MCU: variants seen among roughly 807,000 people sequenced by gnomAD.
MCU encodes the protein calcium uniporter protein, mitochondrial.
A neutral mutation model predicts 45.2 loss-of-function variants in MCU; 12 were observed. The ratio of observed to expected loss-of-function variants is 0.27; its 90% CI spans 0.17 to 0.43. The LOEUF (loss-of-function observed/expected upper bound fraction) is 0.43, where lower values mean the gene tolerates loss of function less well. Among genes scored for constraint, MCU ranks in the 20% least tolerant of loss-of-function variants. The pLI is 1.00. For synonymous variants in MCU, 160 were observed against 165.1 expected (o/e 0.97, Z 0.24); for missense variants, 324 against 436.7 (o/e 0.74, Z 2.30).
At chr10:72,793,697 G>A (rs1844201882) in intron 1 of MCU, among the ~76,000 whole-genome samples, 1 of 152,106 alleles carries the variant, frequency 6.6e-6, no homozygotes, top group South Asian at 2.1e-4. Context: ...GGTTGGGGCT[G>A]TAGGCTCGAA....
At chr10:72,773,770 CT>C (rs1238434588) in intron 1 of MCU, among the ~76,000 whole-genome samples, 1 of 152,110 alleles carries the variant, frequency 6.6e-6, no homozygotes, top group African/African-American at 2.4e-5. Flanking sequence ...TCCAATTGGT[CT>C]GGCAACAGAC....
At position 72,795,883 on chromosome 10, in the gene MCU, G is replaced by T. The variant is rs530583508; in HGVS notation, c.151-38476G>T. Among the ~76,000 whole-genome samples, 63 of 151,684 alleles carry T rather than the reference G, an allele frequency of 4.2e-4. 1 individual carries two copies. Among genetic ancestry groups the T allele is most frequent in the African/African-American group, 1.5e-3 (60 of 41,364 alleles). ...TGTGGTGGCGGGCGCCTGTAATCCC[G>T]GGTACTCTGGAGGCTGAGGCAGGAG... On this transcript the variant is annotated intron_variant, in intron 1 of 7. Coordinates refer to ENST00000373053, the MANE Select transcript of MCU (RefSeq NM_138357.3).
intron 1 of MCU, among the ~76,000 whole-genome samples, chr10:72,831,497 TTTTTGTTTTG>T (rs531976791): frequency 6.6e-6 from 1 of 152,146 alleles, no homozygotes; most frequent in Non-Finnish European, 1.5e-5. Context: ...ATAGGGTTGG[TTTTTGTTTTG>T]TTTTGTTTTG....
Position 72,722,188 on chromosome 10 carries a change from G to A in MCU, c.150+29887G>A, listed in dbSNP as rs61864405. ...TTATTATAATTAGAAAAAGCTGTGG[G>A]CACTTAAATCCCAGCTACTTGGGAG... is the stretch of plus-strand genomic sequence containing the variant. On this transcript the variant is annotated intron_variant, in intron 1 of 7. Transcript: ENST00000373053. 6.9e-3 allele frequency among the ~76,000 whole-genome samples: 1,046 copies of A among 151,812 alleles called. 10 individuals carry two copies. Among genetic ancestry groups the A allele is most frequent in the Non-Finnish European group, 0.011 (768 of 67,916 alleles).
chr10:72,847,057 C>T (rs1411228882), intron 2 of MCU, among the ~76,000 whole-genome samples: 1 of 152,162 alleles, frequency 6.6e-6, no homozygotes, highest in Non-Finnish European at 1.5e-5. Context: ...CTGCAACCTC[C>T]GCCTCCCGGG....
At chr10:72,741,824 C>T (rs1393428875) in intron 1 of MCU, among the ~76,000 whole-genome samples, 2 of 151,998 alleles carry the variant, frequency 1.3e-5, no homozygotes, top group Admixed American at 6.6e-5. Flanking sequence ...ATCAGGAGAT[C>T]GAGACCATCC....
chr10:72,803,983 T>C (rs571807969), intron 1 of MCU, among the ~76,000 whole-genome samples: 2 of 134,982 alleles, frequency 1.5e-5, no homozygotes, highest in South Asian at 2.4e-4. Context: ...TCTTAATCTG[T>C]AGGATCCTTC....
chr10:72,874,596 C>G (rs1445718849), intron 6 of MCU, among the ~76,000 whole-genome samples: 1 of 152,164 alleles, frequency 6.6e-6, no homozygotes, highest in Non-Finnish European at 1.5e-5. Flanking sequence ...CCAAATGTGT[C>G]TAATAGAGAA....
intron 2 of MCU, among the ~76,000 whole-genome samples, chr10:72,838,899 C>T (rs1018610841): frequency 6.6e-6 from 1 of 152,042 alleles, no homozygotes; most frequent in Non-Finnish European, 1.5e-5. Context: ...TGTTTGTTTT[C>T]TGTCCTGCTA....
intron 1 of MCU, among the ~76,000 whole-genome samples, chr10:72,711,386 A>C (rs1842892536): frequency 6.6e-6 from 1 of 151,516 alleles, no homozygotes; most frequent in Non-Finnish European, 1.5e-5. Context: ...ACACCCAACT[A>C]ATTTTTGTAT....
intron 1 of MCU, among the ~76,000 whole-genome samples, chr10:72,693,982 CTA>C (rs1184127761): frequency 7.9e-5 from 12 of 152,312 alleles, no homozygotes; most frequent in African/African-American, 2.6e-4. Flanking sequence ...ATATTTTCCA[CTA>C]TGCAAATTTG....
At chr10:72,694,261 C>T (rs1440860726) in intron 1 of MCU, among the ~76,000 whole-genome samples, 1 of 152,134 alleles carries the variant, frequency 6.6e-6, no homozygotes, top group African/African-American at 2.4e-5. Context: ...ATGTATACAG[C>T]TGTTTCCATA....
rs576510059 is a variant in MCU at position 72,758,616 on chromosome 10, C to T, written c.150+66315C>T. On this transcript the variant is annotated intron_variant, in intron 1 of 7. Coordinates refer to ENST00000373053, the MANE Select transcript of MCU (RefSeq NM_138357.3). ...GTTACTAGAATTAATTTACTTCAGG[C>T]TGCTTGTGGGTGGATTAGATTAATT... 8.5e-5 allele frequency among the ~76,000 whole-genome samples: 13 copies of T among 152,202 alleles called. No individual in the cohort carries two copies. The South Asian group carries it at 2.5e-3, about 29-fold the overall frequency.
At chr10:72,785,169 T>C (rs548594836) in intron 1 of MCU, among the ~76,000 whole-genome samples, 2 of 152,348 alleles carry the variant, frequency 1.3e-5, no homozygotes, top group South Asian at 2.1e-4. Flanking sequence ...CAAGTGGTAG[T>C]GGTGGCTGCT....
intron 6 of MCU, among the ~76,000 whole-genome samples, chr10:72,882,580 T>C (rs987034442): frequency 6.6e-6 from 1 of 152,202 alleles, no homozygotes; most frequent in African/African-American, 2.4e-5. Context: ...CCAGGCTTAT[T>C]AGGAAGAGGA....
At chr10:72,835,991 C>T (rs1163010660) in intron 2 of MCU, among the ~76,000 whole-genome samples, 1 of 152,142 alleles carries the variant, frequency 6.6e-6, no homozygotes, top group Non-Finnish European at 1.5e-5. Flanking sequence ...GTGGGTATCT[C>T]TCTTCCTCTT....
intron 1 of MCU, among the ~76,000 whole-genome samples, chr10:72,710,211 C>G (rs932323625): frequency 6.6e-6 from 1 of 152,074 alleles, no homozygotes; most frequent in Non-Finnish European, 1.5e-5. Flanking sequence ...CTCCTGACCT[C>G]GTGATCTGCC....
In MCU at chr10:72,737,997, G is replaced by C. The variant is rs71479458; in HGVS notation, c.150+45696G>C. 6.3e-3 allele frequency among the ~76,000 whole-genome samples: 954 copies of C among 152,246 alleles called. 16 individuals carry two copies. Among genetic ancestry groups the C allele is most frequent in the Non-Finnish European group, 7.3e-3 (499 of 68,016 alleles). ...GTTGCGGTTATCTTCAGGTACAATT[G>C]CTGCTTTAGTAGTCTTTAGGACTTA... On this transcript the variant is annotated intron_variant, in intron 1 of 7. Transcript: ENST00000373053.
intron 6 of MCU, among the ~76,000 whole-genome samples, chr10:72,878,964 A>G (rs568617270): frequency 1.7e-4 from 26 of 152,286 alleles, no homozygotes; most frequent in African/African-American, 6.0e-4. Flanking sequence ...ATACCAGCCA[A>G]TATAAAAAAG....
Sources: allele counts gnomAD v4.1 joint callset (sites outside exome capture counted in the v4.1 genomes callset), GRCh38; gene constraint gnomAD v4.1.1; transcripts MANE v1.5; gene names NCBI Gene and HGNC (gene_info 2026-07-23, HGNC 2026-07-21).